Variants in MAPKBP1 observed in about 807,000 individuals in gnomAD.
MAPKBP1 encodes mitogen-activated protein kinase-binding protein 1.
A neutral mutation model predicts 170.5 loss-of-function variants in MAPKBP1; 71 were observed. That is an observed-to-expected ratio of 0.42 (90% CI 0.34 to 0.51). The LOEUF is 0.51. Ranked by LOEUF, MAPKBP1 falls within the 20% of genes least tolerant of loss-of-function variation. The pLI, the probability that MAPKBP1 is intolerant of heterozygous loss-of-function variation, is 0.06. For missense variants in MAPKBP1, 1,598 were observed against 1,933.0 expected, an observed-to-expected ratio of 0.83 and a Z score of 3.25; for synonymous variants, 719 against 757.9, an observed-to-expected ratio of 0.95 and a Z score of 0.84.
At chr15:41,812,382 CTT>C (rs2064820766) in intron 6 of MAPKBP1, 132 bp from the exon 7 acceptor site, 1 of 1,331,620 alleles carries the variant, frequency 7.5e-7, no homozygotes. Context: ...CCCTACCCCT[CTT>C]TTTCTGGCCA....
chr15:41,787,876 A>C (rs1450891975), intron 2 of MAPKBP1, among the ~76,000 whole-genome samples: 1 of 151,998 alleles, frequency 6.6e-6, no homozygotes, highest in Non-Finnish European at 1.5e-5. Context: ...AAATAGTTGA[A>C]GAATTCCCTA....
Position 41,819,335 on chromosome 15 carries a change from T to A in MAPKBP1, c.2381T>A (p.Leu794His), listed in dbSNP as rs765296338. 4.3e-6 allele frequency: 7 copies of A among 1,614,056 alleles called. No homozygotes were observed. The East Asian group carries it at 1.6e-4, about 36-fold the overall frequency. Reference protein sequence around the residue: ...EGEDEGTEEELPALPVLAKST... With the variant: ...EGEDEGTEEEHPALPVLAKST... ...GAAGATGAGGGGACTGAAGAAGAAC[T>A]TCCAGCACTGCCCGTCCTTGCCAAG... Residue 794 changes from leucine to histidine, a missense_variant, in exon 21 of 31, where the codon CTT becomes CAT. Transcript: ENST00000457542.
chr15:41,813,474 G>A, intron 8 of MAPKBP1, 147 bp from the exon 9 acceptor site: 3 of 1,418,988 alleles, frequency 2.1e-6, no homozygotes, highest in Non-Finnish European at 3.0e-6. Flanking sequence ...ACAGGGCTGA[G>A]GGGCTCAGAA....
chr15:41,794,002 G>A lies in MAPKBP1; in HGVS notation c.115-5821G>A, dbSNP rs148510960. 6.1e-3 allele frequency among the ~76,000 whole-genome samples: 922 copies of A among 152,240 alleles called. 14 individuals carry two copies. Among genetic ancestry groups the A allele is most frequent in the African/African-American group, 0.021 (891 of 41,530 alleles). On this transcript the variant is annotated intron_variant, in intron 2 of 30. Transcript: ENST00000457542. ...ATCAGCACTTTGGGAGGCCAAGGTG[G>A]GTGGATTGCTTGAGGTCAGGAGTTT...
chr15:41,806,608 G>A (rs144936744), intron 3 of MAPKBP1, among the ~76,000 whole-genome samples: 152 of 152,296 alleles, frequency 1.0e-3, no homozygotes, highest in African/African-American at 3.2e-3. Context: ...ACTCCACAGC[G>A]TGACTCCCCC....
Position 41,775,164 on chromosome 15 carries a change from C to A in MAPKBP1, c.-109-3C>A. On this transcript the variant is annotated splice_polypyrimidine_tract_variant and splice_region_variant and intron_variant, in intron 1 of 30. Coordinates refer to ENST00000457542, the MANE Select transcript of MAPKBP1 (RefSeq NM_014994.3). The stretch of plus-strand genomic sequence containing the variant: ...GATACTAAGGTGGCTTCTGCCATCT[C>A]AGGTCAGTGAGAGGGCATACTGGGA... 2.6e-6 allele frequency: 2 copies of A among 768,492 alleles called. No individual in the cohort carries two copies. Among genetic ancestry groups the A allele is most frequent in the South Asian group, 1.6e-5 (1 of 61,542 alleles). 47.6% of individuals were successfully genotyped at this position (768,492 alleles called of 1,614,324 possible).
chr15:41,813,454 C>A, intron 8 of MAPKBP1, 167 bp from the exon 9 acceptor site: 1 of 1,438,776 alleles, frequency 7.0e-7, no homozygotes, highest in Non-Finnish European at 9.7e-7. Flanking sequence ...GGTTCCTAAT[C>A]CCTGGCTGGA....
intron 2 of MAPKBP1, among the ~76,000 whole-genome samples, chr15:41,777,908 A>G (rs2064124357): frequency 6.6e-6 from 1 of 152,218 alleles, no homozygotes; most frequent in South Asian, 2.1e-4. Context: ...TGCAGCTCTT[A>G]CTTCAGATGG....
chr15:41,812,745 C>G, intron 7 of MAPKBP1, 92 bp downstream of exon 7: 1 of 1,496,378 alleles, frequency 6.7e-7, no homozygotes, highest in Admixed American at 2.3e-5. Flanking sequence ...GGGCCTCTCT[C>G]TGCATTCCCA....
chr15:41,795,488 T>C (rs2152072659), intron 2 of MAPKBP1, among the ~76,000 whole-genome samples: 1 of 152,270 alleles, frequency 6.6e-6, no homozygotes, highest in Admixed American at 6.5e-5. Context: ...ATTTGGGGCC[T>C]TGTAAGCCGG....
rs773773941 is a variant in MAPKBP1 at position 41,824,010 on chromosome 15, C to T, written c.4162C>T (p.Pro1388Ser). ...GCAGCCCCCACCCCCTGAGAAGACT[C>T]CCAACCCCATGGAATGCACCAAGCC... The part of the protein sequence containing the change: ...NLQPPPPEKT[P>S]NPMECTKPGA... Residue 1388 changes from proline (P) to serine (S), a missense_variant, in exon 29 of 31, where the codon CCC (proline) becomes TCC (serine). Physicochemically the swap from Pro to Ser is moderately conservative, Grantham distance 74. Around this residue, in one of 6 missense-constraint regions of MAPKBP1, gnomAD observed 942 missense variants for 953.2 expected, o/e 0.99. Coordinates refer to ENST00000457542, the MANE Select transcript of MAPKBP1 (RefSeq NM_014994.3). The T allele has an allele frequency of 3.1e-6, 5 of 1,612,194 alleles. No homozygotes were observed. In the Admixed American group the frequency reaches 6.7e-5, roughly 21 times the overall value.
At chr15:41,804,947 C>A (rs1314956065) in intron 3 of MAPKBP1, among the ~76,000 whole-genome samples, 1 of 152,212 alleles carries the variant, frequency 6.6e-6, no homozygotes, top group Non-Finnish European at 1.5e-5. Context: ...TGAGCACAAG[C>A]AGGTTCTTCA....
intron 2 of MAPKBP1, among the ~76,000 whole-genome samples, chr15:41,793,400 T>C (rs1031876594): frequency 6.6e-6 from 1 of 151,964 alleles, no homozygotes; most frequent in African/African-American, 2.4e-5. Context: ...GGCAGGAGAA[T>C]AGTGTGAGCT....
rs2140866034 is a variant in MAPKBP1, at chr15:41,827,449, CCCGTGCCTGCTG to C, written c.*2014_*2025del. On this transcript the variant is annotated 3_prime_UTR_variant, in exon 31 of 31. Transcript: ENST00000457542. ...GAACTCCCGCGGCGGCGGGGGCGGG[CCCGTGCCTGCTG>C]TGCCCCGACTTCCCACACCAGCCGC... 6.6e-6 allele frequency: 1 copy of C among 152,374 alleles called. No homozygotes were observed. Among genetic ancestry groups the C allele is most frequent in the South Asian group, 2.1e-4 (1 of 4,828 alleles). 9.4% of individuals were successfully genotyped at this position (152,374 alleles called of 1,614,324 possible).
intron 2 of MAPKBP1, among the ~76,000 whole-genome samples, chr15:41,782,092 CAAAAAAA>C (rs58449893): frequency 4.5e-5 from 5 of 111,208 alleles, no homozygotes; most frequent in Admixed American, 9.3e-5. Flanking sequence ...ACTAAAAATA[CAAAAAAA>C]AAAAAAAAAA....
At position 41,814,725 on chromosome 15, in the gene MAPKBP1, G is replaced by T; in HGVS notation, c.1156G>T (p.Val386Phe). The T allele has an allele frequency of 1.9e-6, 3 of 1,614,164 alleles. No homozygotes were observed. The highest frequency in any genetic ancestry group is 1.1e-5 in the South Asian group (1 of 91,084). ...VYSALYHSSCVWSVEVYPEVK... is the reference protein window; with the variant it reads ...VYSALYHSSCFWSVEVYPEVK... ...CTCGGCTCTGTATCATTCTTCCTGC[G>T]TCTGGAGTGTGGAGGTATGTGGGCT... is the stretch of plus-strand genomic sequence containing the variant. Residue 386 changes from valine (V) to phenylalanine (F), a missense_variant, in exon 10 of 31, where the codon GTC becomes TTC. By Grantham distance (50) the Val-to-Phe change is conservative. This residue lies in a region of MAPKBP1 where 430 missense variants were observed against 617.2 expected (regional missense o/e 0.70). Coordinates refer to ENST00000457542, the MANE Select transcript of MAPKBP1 (RefSeq NM_014994.3).
chr15:41,785,811 T>A (rs1334279328), intron 2 of MAPKBP1, among the ~76,000 whole-genome samples: 1 of 152,200 alleles, frequency 6.6e-6, no homozygotes, highest in Non-Finnish European at 1.5e-5. Context: ...TTAATCCAAC[T>A]TTCTTAGAGG....
rs2064906062 is a variant in MAPKBP1, at chr15:41,817,158, AG to A, written c.1711+124del. On this transcript the variant is annotated intron_variant, in intron 14 of 30. Transcript: ENST00000457542. The surrounding 1 kb of genome is among the most constrained non-coding windows in gnomAD (Gnocchi z 4.2). ...GTTGGACAGCAGCTGGGAGGCCTGG[AG>A]CTGGTTGGGAAGATAGGTGGAACAG... 1 of 1,453,144 alleles carries A rather than the reference AG, an allele frequency of 6.9e-7. No individual in the cohort carries two copies. The highest frequency in any genetic ancestry group is 9.2e-7 in the Non-Finnish European group (1 of 1,083,460). The allele number at this position is 1,453,144 out of a possible 1,614,324, so 90.0% of individuals were successfully genotyped here. A position where few individuals can be genotyped will look rare whatever the true frequency, so the allele number is the denominator to read the frequency against.
Position 41,822,313 on chromosome 15 carries a change from G to A in MAPKBP1, c.3120G>A (p.Glu1040=), listed in dbSNP as rs1329838452. 2 of 1,614,098 alleles carry A rather than the reference G, an allele frequency of 1.2e-6. No individual in the cohort carries two copies. Among genetic ancestry groups the A allele is most frequent in the Non-Finnish European group, 1.7e-6 (2 of 1,180,020 alleles). Residue 1040 remains glutamate (E), a synonymous_variant, in exon 26 of 31, where the codon GAG becomes GAA. Coordinates refer to ENST00000457542, the MANE Select transcript of MAPKBP1 (RefSeq NM_014994.3). The stretch of plus-strand genomic sequence containing the variant: ...AGGGTGATGAAGAAGAGGAAGAAGA[G>A]GAGGGAGGCATGGGCCCCTATGGGC... ...PAEGDEEEEE[E]EGGMGPYGLQ...
Sources: gnomAD v4.1 joint callset for allele counts (sites outside exome capture counted in the v4.1 genomes callset) on GRCh38, gnomAD v4.1.1 for gene constraint, gnomAD v4.1.1 regional missense constraint, Gnocchi (gnomAD v3.1) non-coding constraint, MANE v1.5 for transcripts, NCBI Gene and HGNC (gene_info 2026-07-23, HGNC 2026-07-21) for gene names.